ZCCHC17: variants seen among roughly 807,000 people sequenced by gnomAD.
The protein encoded by ZCCHC17 is zinc finger CCHC domain-containing protein 17.
A neutral mutation model predicts 30.6 loss-of-function variants in ZCCHC17; 18 were observed. The observed-to-expected ratio is 0.59, with a 90% CI of 0.41 to 0.87. ZCCHC17 has a LOEUF of 0.87. Among genes scored for constraint, ZCCHC17 ranks in the 40% least tolerant of loss-of-function variants. ZCCHC17 has a pLI of 0.00. For synonymous variants in ZCCHC17, 88 were observed against 92.4 expected (o/e 0.95, Z 0.27); for missense variants, 263 against 284.2 (o/e 0.93, Z 0.54).
chr1:31,335,664 A>G (rs1342918158), intron 3 of ZCCHC17, among the ~76,000 whole-genome samples: 1 of 152,126 alleles, frequency 6.6e-6, no homozygotes, highest in African/African-American at 2.4e-5. Flanking sequence ...CATGCCCAGC[A>G]ATTATTTCAT....
chr1:31,314,741 G>A (rs748638508), intron 2 of ZCCHC17, among the ~76,000 whole-genome samples: 37 of 152,018 alleles, frequency 2.4e-4, no homozygotes, highest in Non-Finnish European at 3.5e-4. Flanking sequence ...TTCCTCTGTC[G>A]CTCAGGCTGG....
intron 7 of ZCCHC17, among the ~76,000 whole-genome samples, chr1:31,352,956 CTG>C (rs1182665319): frequency 3.9e-5 from 6 of 152,176 alleles, no homozygotes; most frequent in African/African-American, 1.4e-4. Flanking sequence ...AGGAAGCACT[CTG>C]TTTCCCATTG....
At chr1:31,320,513 C>G (rs1228564861) in intron 3 of ZCCHC17, among the ~76,000 whole-genome samples, 1 of 152,188 alleles carries the variant, frequency 6.6e-6, no homozygotes, top group Non-Finnish European at 1.5e-5. Flanking sequence ...AATCATTATT[C>G]TACTTTGTCT....
chr1:31,349,077 T>C, intron 7 of ZCCHC17, 103 bp downstream of exon 7: 3 of 1,360,484 alleles, frequency 2.2e-6, no homozygotes, highest in Non-Finnish European at 2.9e-6. Flanking sequence ...CCCAGCTACT[T>C]GGGAGGATAA....
At chr1:31,334,303 A>ATCTC (rs373770669) in intron 3 of ZCCHC17, among the ~76,000 whole-genome samples, 1,240 of 51,042 alleles carry the variant, frequency 0.024, 28 homozygotes, top group Non-Finnish European at 0.037. Context: ...ATCCATGTGC[A>ATCTC]TCTCTCTCTC....
At position 31,363,373 on chromosome 1, in the gene ZCCHC17, C is replaced by T. The variant is rs139811248; in HGVS notation, c.565-659C>T. Among the ~76,000 whole-genome samples the T allele has an allele frequency of 5.7e-3, 870 of 152,114 alleles. 67 individuals carry two copies. In the East Asian group the frequency reaches 0.14, roughly 25 times the overall value. On this transcript the variant is annotated intron_variant, in intron 7 of 7. Transcript: ENST00000344147. ...TAATATTTTGTATTTTTAGTAGAGA[C>T]GGGGTTTCACCATGTTAGCCAGGAT...
chr1:31,312,843 G>A (rs927415279), intron 2 of ZCCHC17, among the ~76,000 whole-genome samples: 4 of 151,724 alleles, frequency 2.6e-5, no homozygotes, highest in Admixed American at 1.3e-4. Context: ...CACTGCAACT[G>A]CTCACTGCAA....
intron 3 of ZCCHC17, 92 bp downstream of exon 3, chr1:31,319,258 C>T (rs1274466684): frequency 1.7e-5 from 19 of 1,099,602 alleles, no homozygotes; most frequent in Non-Finnish European, 2.0e-5. Flanking sequence ...ATTTTTCAGA[C>T]AGTAGTTTTT....
At position 31,349,421 on chromosome 1, in the gene ZCCHC17, C is replaced by T. The variant is rs147933244; in HGVS notation, c.564+447C>T. On this transcript the variant is annotated intron_variant, in intron 7 of 7. Coordinates refer to ENST00000344147, the MANE Select transcript of ZCCHC17 (RefSeq NM_016505.4). The stretch of plus-strand genomic sequence containing the variant: ...TCTTGGCTCAGTGTAACCTCTGCCT[C>T]CCAGGTTCAAGCGATTCTCATGCCT... Among the ~76,000 whole-genome samples the T allele has an allele frequency of 6.3e-3, 964 of 152,182 alleles. 7 individuals are homozygous for T. Among genetic ancestry groups the T allele is most frequent in the Non-Finnish European group, 9.8e-3 (664 of 68,000 alleles).
intron 3 of ZCCHC17, among the ~76,000 whole-genome samples, chr1:31,336,215 G>A (rs1294358195): frequency 1.3e-5 from 2 of 152,138 alleles, no homozygotes; most frequent in Non-Finnish European, 2.9e-5. Context: ...TGGGATCACA[G>A]GTTTGCACCA....
At chr1:31,331,346 A>G (rs1283513222) in intron 3 of ZCCHC17, among the ~76,000 whole-genome samples, 2 of 151,692 alleles carry the variant, frequency 1.3e-5, no homozygotes, top group East Asian at 3.9e-4. Context: ...GGGTTTCACC[A>G]TGTTGGTCAG....
rs140971449 is a variant in ZCCHC17, at chr1:31,325,896, G to T, written c.124+6730G>T. Among the ~76,000 whole-genome samples the T allele has an allele frequency of 1.8e-4, 28 of 152,108 alleles. No individual in the cohort carries two copies. In the East Asian group the frequency reaches 4.3e-3, roughly 23 times the overall value. On this transcript the variant is annotated intron_variant, in intron 3 of 7. Coordinates refer to ENST00000344147, the MANE Select transcript of ZCCHC17 (RefSeq NM_016505.4). Reference sequence around the variant, plus strand: ...TTACAAAAAGTTAGCTGGGTGTGGTGGCAGAAGGATCACTTGGGCCCAGAA... The same window carrying T: ...TTACAAAAAGTTAGCTGGGTGTGGTTGCAGAAGGATCACTTGGGCCCAGAA...
Position 31,364,211 on chromosome 1 carries a change from G to C in ZCCHC17, c.*18G>C, listed in dbSNP as rs971999515. The C allele has an allele frequency of 6.2e-7, 1 of 1,603,130 alleles. No individual in the cohort carries two copies. Among genetic ancestry groups the C allele is most frequent in the African/African-American group, 1.4e-5 (1 of 73,916 alleles). On this transcript the variant is annotated 3_prime_UTR_variant, in exon 8 of 8. Transcript: ENST00000344147. ...AGGAGTGAGAGTATAAAGAGTGTAG[G>C]GGGTGGTTGAGAGTAAGAAACCAGG...
intron 2 of ZCCHC17, among the ~76,000 whole-genome samples, chr1:31,311,808 T>C (rs1646610356): frequency 6.6e-6 from 1 of 152,232 alleles, no homozygotes; most frequent in Admixed American, 6.5e-5. Flanking sequence ...AAGTTCATGT[T>C]GAACTTTAGT....
In ZCCHC17 at chr1:31,319,023, G is replaced by T. The variant is rs1009034520; in HGVS notation, c.67-86G>T. 40 of 1,455,524 alleles carry T rather than the reference G, an allele frequency of 2.7e-5. No homozygotes were observed. In the African/African-American group the frequency reaches 3.5e-4, roughly 13 times the overall value. The allele number at this position is 1,455,524 out of a possible 1,614,324, so 90.2% of individuals were successfully genotyped here. Reference sequence around the variant, plus strand: ...AGCATACAGAGGCAGTCAATATGAAGTACAGATTTGGGGAGACTAGGTTAA... The same window carrying T: ...AGCATACAGAGGCAGTCAATATGAATTACAGATTTGGGGAGACTAGGTTAA... On this transcript the variant is annotated intron_variant, in intron 2 of 7. Coordinates refer to ENST00000344147, the MANE Select transcript of ZCCHC17 (RefSeq NM_016505.4).
At chr1:31,331,553 A>G (rs1322230523) in intron 3 of ZCCHC17, among the ~76,000 whole-genome samples, 1 of 152,150 alleles carries the variant, frequency 6.6e-6, no homozygotes, top group Non-Finnish European at 1.5e-5. Flanking sequence ...TGAAGTTGGC[A>G]GAGTTTATCT....
intron 1 of ZCCHC17, among the ~76,000 whole-genome samples, chr1:31,303,974 T>A (rs1646382536): frequency 2.0e-5 from 3 of 152,184 alleles, no homozygotes; most frequent in Admixed American, 2.0e-4. Context: ...TCACCCAGCT[T>A]AGACTCTGAC....
intron 3 of ZCCHC17, among the ~76,000 whole-genome samples, chr1:31,323,316 A>ATTCT (rs1309491489): frequency 2.6e-5 from 4 of 151,664 alleles, no homozygotes; most frequent in African/African-American, 9.7e-5. Context: ...AAACCTCTGT[A>ATTCT]TTCTTTCTTT....
At chr1:31,315,670 A>G (rs149953962) in intron 2 of ZCCHC17, among the ~76,000 whole-genome samples, 261 of 152,352 alleles carry the variant, frequency 1.7e-3, no homozygotes, top group African/African-American at 6.0e-3. Context: ...CTTCATTTAC[A>G]TTATGGTGAC....
Sources: gnomAD v4.1 joint callset for allele counts (sites outside exome capture counted in the v4.1 genomes callset) on GRCh38, gnomAD v4.1.1 for gene constraint, MANE v1.5 for transcripts, NCBI Gene and HGNC (gene_info 2026-07-23, HGNC 2026-07-21) for gene names.